BBS9: variants seen among roughly 807,000 people sequenced by gnomAD.
BBS9 encodes protein PTHB1.
Under a neutral mutation model 117.7 loss-of-function variants are expected in BBS9, and 89 were observed. That is an observed-to-expected ratio of 0.76 (90% CI 0.64 to 0.90). BBS9 has a LOEUF of 0.90. Ranked by LOEUF, BBS9 falls within the 40% of genes least tolerant of loss-of-function variation. The probability of loss-of-function intolerance (pLI) is 0.00; values close to 1 mark genes in which losing one functional copy is unlikely to be tolerated. For missense variants in BBS9, 982 were observed against 1,042.2 expected (o/e 0.94, Z 0.80); for synonymous variants, 379 against 370.9 (o/e 1.02, Z -0.25).
chr7:33,179,615 G>A (rs986357188), intron 5 of BBS9, among the ~76,000 whole-genome samples: 4 of 151,306 alleles, frequency 2.6e-5, no homozygotes, highest in Middle Eastern at 3.4e-3. Context: ...ACAAGCTCAG[G>A]GCTTCTACTG....
chr7:33,482,666 G>A (rs1842652080), intron 19 of BBS9, among the ~76,000 whole-genome samples: 1 of 152,086 alleles, frequency 6.6e-6, no homozygotes, highest in African/African-American at 2.4e-5. Flanking sequence ...CTGAAACTAT[G>A]TTAGAAACCA....
rs983291410 is a variant in BBS9, at chr7:33,162,289, AT to A, written c.328+6590del. 7.9e-5 allele frequency among the ~76,000 whole-genome samples: 12 copies of A among 152,178 alleles called. No homozygotes were observed. The East Asian group carries it at 1.9e-3, about 24-fold the overall frequency. ...ATGGCTAGCCAGTTTTCCCAGCACC[AT>A]TTATTAAATAGGGTATCTTTTCCCC... On this transcript the variant is annotated intron_variant, in intron 4 of 22. Transcript: ENST00000242067.
At chr7:33,182,951 A>G (rs537953737) in intron 5 of BBS9, among the ~76,000 whole-genome samples, 1 of 152,260 alleles carries the variant, frequency 6.6e-6, no homozygotes, top group Admixed American at 6.5e-5. Flanking sequence ...ATCTCTCAGT[A>G]GGGGATGGGG....
At chr7:33,218,282 C>T (rs1789458733) in intron 5 of BBS9, among the ~76,000 whole-genome samples, 2 of 152,170 alleles carry the variant, frequency 1.3e-5, no homozygotes, top group African/African-American at 4.8e-5. Flanking sequence ...AAAAAAATTT[C>T]AAATTCAGGG....
intron 9 of BBS9, among the ~76,000 whole-genome samples, chr7:33,278,507 AT>A (rs1386335033): frequency 2.0e-5 from 3 of 152,148 alleles, no homozygotes; most frequent in Non-Finnish European, 4.4e-5. Context: ...ATCATCCCAT[AT>A]TTTTTTAATT....
chr7:33,423,334 C>T lies in BBS9; in HGVS notation c.2115+35190C>T, dbSNP rs114412424. Among the ~76,000 whole-genome samples, 497 of 152,120 alleles carry T rather than the reference C, an allele frequency of 3.3e-3. 2 individuals are homozygous for T. The highest frequency in any genetic ancestry group is 0.012 in the African/African-American group (478 of 41,482). ...GGCATGTATCACCTTGCTGTAACCACTGGTTCTTCAAGCACAAAATCAAAA... is the reference window on the plus strand; with the variant it reads ...GGCATGTATCACCTTGCTGTAACCATTGGTTCTTCAAGCACAAAATCAAAA... On this transcript the variant is annotated intron_variant, in intron 19 of 22. Transcript: ENST00000242067.
intron 7 of BBS9, among the ~76,000 whole-genome samples, chr7:33,272,639 T>TAG: frequency 6.6e-6 from 1 of 152,306 alleles, no homozygotes; most frequent in South Asian, 2.1e-4. Context: ...TGATATATTT[T>TAG]TAGTTGCCCT....
intron 21 of BBS9, among the ~76,000 whole-genome samples, chr7:33,629,978 T>G (rs1387662249): frequency 6.6e-6 from 1 of 152,200 alleles, no homozygotes; most frequent in South Asian, 2.1e-4. Flanking sequence ...TGTCAACAGT[T>G]TATATTTCGA....
At chr7:33,137,290 G>C (rs1790653095) in intron 1 of BBS9, among the ~76,000 whole-genome samples, 1 of 152,232 alleles carries the variant, frequency 6.6e-6, no homozygotes, top group African/African-American at 2.4e-5. Flanking sequence ...GCGGGAGTGG[G>C]CACTTCCAAA....
chr7:33,407,172 A>G (rs1033818625), intron 19 of BBS9, among the ~76,000 whole-genome samples: 13 of 151,840 alleles, frequency 8.6e-5, no homozygotes, highest in Non-Finnish European at 1.3e-4. Context: ...TTCTCGCTTC[A>G]TTTCGTTCAT....
chr7:33,464,169 T>C (rs1382320308), intron 19 of BBS9, among the ~76,000 whole-genome samples: 2 of 152,078 alleles, frequency 1.3e-5, no homozygotes, highest in African/African-American at 4.8e-5. Context: ...GCTAATATAC[T>C]TGAAAAACAT....
At chr7:33,529,360 C>G (rs1850204404) in intron 20 of BBS9, among the ~76,000 whole-genome samples, 1 of 152,136 alleles carries the variant, frequency 6.6e-6, no homozygotes, top group South Asian at 2.1e-4. Flanking sequence ...AGCTAGGCAG[C>G]TATCTATCAA....
intron 20 of BBS9, among the ~76,000 whole-genome samples, chr7:33,526,384 A>C (rs1248955274): frequency 6.6e-6 from 1 of 152,174 alleles, no homozygotes; most frequent in African/African-American, 2.4e-5. Flanking sequence ...TTTCAGATAC[A>C]CCAATCAGAC....
At chr7:33,433,699 G>A (rs1210082781) in intron 19 of BBS9, among the ~76,000 whole-genome samples, 1 of 152,098 alleles carries the variant, frequency 6.6e-6, no homozygotes, top group Non-Finnish European at 1.5e-5. Flanking sequence ...CTTCTTTGTA[G>A]AGTAGATCTT....
At chr7:33,561,661 G>A (rs942390956) in intron 21 of BBS9, among the ~76,000 whole-genome samples, 2 of 152,178 alleles carry the variant, frequency 1.3e-5, no homozygotes, top group African/African-American at 2.4e-5. Context: ...CATTAAAAGT[G>A]TGAATGAGAA....
chr7:33,633,992 A>G (rs1016940176), intron 21 of BBS9, among the ~76,000 whole-genome samples: 3 of 152,200 alleles, frequency 2.0e-5, no homozygotes, highest in Non-Finnish European at 4.4e-5. Flanking sequence ...CTGAGACCTA[A>G]GGACTGTTTT....
intron 16 of BBS9, among the ~76,000 whole-genome samples, chr7:33,358,779 G>T (rs918875524): frequency 1.3e-5 from 2 of 151,864 alleles, no homozygotes; most frequent in African/African-American, 4.8e-5. Context: ...TGTTGGCTAG[G>T]AGATGCATCT....
intron 17 of BBS9, among the ~76,000 whole-genome samples, chr7:33,370,067 A>G (rs1236975802): frequency 6.6e-6 from 1 of 152,172 alleles, no homozygotes; most frequent in African/African-American, 2.4e-5. Context: ...TTCAGTATAG[A>G]CCAGTCAAAG....
intron 17 of BBS9, among the ~76,000 whole-genome samples, chr7:33,376,764 T>G (rs1195501450): frequency 1.3e-5 from 2 of 152,228 alleles, no homozygotes; most frequent in African/African-American, 4.8e-5. Context: ...TGGTATCTCA[T>G]TTTGGCTTTG....
Sources: gnomAD v4.1 joint callset for allele counts (sites outside exome capture counted in the v4.1 genomes callset) on GRCh38, gnomAD v4.1.1 for gene constraint, MANE v1.5 for transcripts, NCBI Gene and HGNC (gene_info 2026-07-23, HGNC 2026-07-21) for gene names.